TRABD2A: variants seen among roughly 807,000 people sequenced by gnomAD.
TRABD2A encodes the protein TraB domain containing 2A, also known as metalloprotease TIKI1.
In TRABD2A, 43 loss-of-function variants were observed where a neutral mutation model predicts 45.6. The ratio of observed to expected loss-of-function variants is 0.94; its 90% CI spans 0.74 to 1.22. The LOEUF (loss-of-function observed/expected upper bound fraction) is 1.22. Among genes scored for constraint, TRABD2A ranks in the 50% most tolerant of loss-of-function variants. TRABD2A has a pLI of 0.00. For synonymous variants in TRABD2A, 269 were observed against 265.0 expected (o/e 1.02, Z -0.15); for missense variants, 642 against 652.4 (o/e 0.98, Z 0.17).
chr2:84,824,553 T>C (rs1327568367), intron 5 of TRABD2A, among the ~76,000 whole-genome samples: 2 of 125,490 alleles, frequency 1.6e-5, no homozygotes, highest in African/African-American at 4.0e-5. Flanking sequence ...TAGCTTTTTT[T>C]TTTTTTTTTT....
At chr2:84,860,160 T>C (rs1168542193) in intron 2 of TRABD2A, among the ~76,000 whole-genome samples, 1 of 152,178 alleles carries the variant, frequency 6.6e-6, no homozygotes, top group African/African-American at 2.4e-5. Flanking sequence ...TTTGAAATGA[T>C]GCAAAATCTC....
intron 4 of TRABD2A, chr2:84,836,972 T>C (rs1002942063): frequency 6.0e-5 from 9 of 150,936 alleles, no homozygotes; most frequent in African/African-American, 2.2e-4. Flanking sequence ...TCTTTAGATA[T>C]GGTTAATTTT....
intron 5 of TRABD2A, among the ~76,000 whole-genome samples, chr2:84,831,594 C>A (rs1490534933): frequency 6.6e-6 from 1 of 152,006 alleles, no homozygotes; most frequent in Non-Finnish European, 1.5e-5. Flanking sequence ...AGAAAAGGTG[C>A]TTTCTCCTGC....
At chr2:84,875,550 A>C (rs1683001033) in intron 1 of TRABD2A, among the ~76,000 whole-genome samples, 1 of 152,150 alleles carries the variant, frequency 6.6e-6, no homozygotes, top group Non-Finnish European at 1.5e-5. Flanking sequence ...TTTTTGAGAG[A>C]GGAGTGACAT....
intron 1 of TRABD2A, 33 bp downstream of exon 1, chr2:84,880,899 G>C (rs780093814): frequency 2.2e-5 from 34 of 1,562,120 alleles, no homozygotes; most frequent in Non-Finnish European, 2.9e-5. Flanking sequence ...GGTGCAGAGA[G>C]GCCGGCTCTC....
At chr2:84,845,266 G>A (rs555174971) in intron 2 of TRABD2A, among the ~76,000 whole-genome samples, 7 of 152,280 alleles carry the variant, frequency 4.6e-5, no homozygotes, top group South Asian at 2.1e-4. Flanking sequence ...CACGAGAATC[G>A]CTTTTAACCT....
chr2:84,844,919 AAG>A (rs1156239727), intron 2 of TRABD2A, among the ~76,000 whole-genome samples: 1 of 152,194 alleles, frequency 6.6e-6, no homozygotes, highest in African/African-American at 2.4e-5. Flanking sequence ...ACCTTCCTCA[AAG>A]AGTGTCCATT....
chr2:84,822,636 G>A (rs1013494558), intron 6 of TRABD2A, among the ~76,000 whole-genome samples: 19 of 152,160 alleles, frequency 1.2e-4, no homozygotes, highest in African/African-American at 2.7e-4. Flanking sequence ...GCCCAACCCC[G>A]TAGTCACCAA....
chr2:84,852,437 G>A (rs778892227), intron 2 of TRABD2A, among the ~76,000 whole-genome samples: 176 of 152,278 alleles, frequency 1.2e-3, no homozygotes, highest in Non-Finnish European at 1.1e-3. Flanking sequence ...CATGGGATTG[G>A]GGAAGGGGTT....
intron 2 of TRABD2A, among the ~76,000 whole-genome samples, chr2:84,864,495 G>T (rs1368517814): frequency 6.6e-6 from 1 of 152,098 alleles, no homozygotes; most frequent in Non-Finnish European, 1.5e-5. Flanking sequence ...GTCAATAGGG[G>T]TCCCGCATGA....
intron 5 of TRABD2A, among the ~76,000 whole-genome samples, chr2:84,831,590 G>C (rs375058530): frequency 1.1e-4 from 17 of 151,768 alleles, no homozygotes; most frequent in African/African-American, 4.1e-4. Flanking sequence ...TCAGAGAAAA[G>C]GTGCTTTCTC....
At chr2:84,823,321 A>G (rs919032898) in intron 6 of TRABD2A, among the ~76,000 whole-genome samples, 2 of 152,192 alleles carry the variant, frequency 1.3e-5, no homozygotes, top group African/African-American at 4.8e-5. Context: ...AAGTTCCATG[A>G]AGGCAGGGCC....
In TRABD2A at chr2:84,860,873, C is replaced by T. The variant is rs550625822; in HGVS notation, c.669+9352G>A. Among the ~76,000 whole-genome samples the T allele has an allele frequency of 5.9e-5, 9 of 152,304 alleles. 2 individuals are homozygous for T. The South Asian group carries it at 1.9e-3, about 32-fold the overall frequency. On this transcript the variant is annotated intron_variant, in intron 2 of 6. Transcript: ENST00000409520. ...GTGTGTGGGGTCATCCCCAGATCAC[C>T]CACTGGCAGAAGCCAGATGTAGGCC...
chr2:84,875,526 G>A (rs1559100568), intron 1 of TRABD2A, among the ~76,000 whole-genome samples: 1 of 152,226 alleles, frequency 6.6e-6, no homozygotes, highest in Non-Finnish European at 1.5e-5. Flanking sequence ...GATTCAGATG[G>A]GAGCTAGCCC....
In TRABD2A at chr2:84,870,322, A is replaced by G. The variant is rs1354619926; in HGVS notation, c.572T>C (p.Phe191Ser). Residue 191 changes from phenylalanine (F) to serine (S), a missense_variant, in exon 2 of 7, where the codon TTC (phenylalanine) becomes TCC (serine). Physicochemically the swap from Phe to Ser is radical, Grantham distance 155. Transcript: ENST00000409520. ...CAGCCGCTCAGCCTCCTGGGCAAGG[A>G]ACAGGTCTAAGACAGGCACTCCACG... is the stretch of plus-strand genomic sequence containing the variant. ...KSRGVPVLDLFLAQEAERLRK... is the reference protein window; with the variant it reads ...KSRGVPVLDLSLAQEAERLRK... 2 of 1,613,908 alleles carry G rather than the reference A, an allele frequency of 1.2e-6. No homozygotes were observed. Among genetic ancestry groups the G allele is most frequent in the African/African-American group, 2.7e-5 (2 of 74,918 alleles).
chr2:84,824,151 G>A lies in TRABD2A; in HGVS notation c.1136C>T (p.Pro379Leu), dbSNP rs1681081005. The stretch of plus-strand genomic sequence containing the variant: ...CGGTACTTCCAGGGTAGGGACTTTT[G>A]GAGCAAAGATGGTGGACAGAGTGGG... Reference protein sequence around the residue: ...TRPTLSTIFAPKVPTLEVPAP... With the variant: ...TRPTLSTIFALKVPTLEVPAP... Residue 379 changes from proline (P) to leucine (L), a missense_variant, in exon 6 of 7, where the codon CCA becomes CTA. Coordinates refer to ENST00000409520, the MANE Select transcript of TRABD2A (RefSeq NM_001277053.2). 6.2e-7 allele frequency: 1 copy of A among 1,613,852 alleles called. No individual in the cohort carries two copies. Among genetic ancestry groups the A allele is most frequent in the African/African-American group, 1.3e-5 (1 of 74,910 alleles).
chr2:84,822,045 G>C lies in TRABD2A; in HGVS notation c.1390C>G (p.Leu464Val). 6.3e-7 allele frequency: 1 copy of C among 1,590,770 alleles called. No individual in the cohort carries two copies. Among genetic ancestry groups the C allele is most frequent in the Non-Finnish European group, 8.6e-7 (1 of 1,168,888 alleles). The change falls in exon 7 of 7, where the codon CTG (leucine) becomes GTG (valine). Residue 464 changes from leucine to valine, a missense_variant. Physicochemically the swap from Leu to Val is conservative, Grantham distance 32 (BLOSUM62 1). Coordinates refer to ENST00000409520, the MANE Select transcript of TRABD2A (RefSeq NM_001277053.2). Reference sequence around the variant, plus strand: ...GAATGCCCACGGCGAGGGAGCCGCAGTTCAGTGGAGATGTGCCTGTCCAGG... The same window carrying C: ...GAATGCCCACGGCGAGGGAGCCGCACTTCAGTGGAGATGTGCCTGTCCAGG... ...PVLDRHISTE[L>V]RLPRRGHSHH...
intron 5 of TRABD2A, 147 bp from the exon 6 acceptor site, chr2:84,824,351 C>T (rs79132899): frequency 2.6e-6 from 3 of 1,166,912 alleles, no homozygotes; most frequent in Non-Finnish European, 3.5e-6. Flanking sequence ...TTACCCAGTT[C>T]TTGAAATTAC....
At chr2:84,851,591 G>T (rs1682097833) in intron 2 of TRABD2A, among the ~76,000 whole-genome samples, 1 of 152,154 alleles carries the variant, frequency 6.6e-6, no homozygotes, top group East Asian at 1.9e-4. Flanking sequence ...CTTTCTTTTT[G>T]AGTTCCCTGT....
Sources: gnomAD v4.1 joint callset for allele counts (sites outside exome capture counted in the v4.1 genomes callset) on GRCh38, gnomAD v4.1.1 for gene constraint, MANE v1.5 for transcripts, NCBI Gene and HGNC (gene_info 2026-07-23, HGNC 2026-07-21) for gene names.